The following CDC5L variants were observed in gnomAD, a reference collection of about 807,000 sequenced individuals.
CDC5L encodes the protein cell division cycle 5 like.
CDC5L carries 18 observed loss-of-function variants against 104.1 expected under a neutral mutation model. The ratio of observed to expected loss-of-function variants is 0.17; its 90% CI spans 0.12 to 0.26. The LOEUF (loss-of-function observed/expected upper bound fraction) is 0.26, where lower values mean the gene tolerates loss of function less well. CDC5L is among the 10% of genes least tolerant of loss of function. The pLI, the probability that CDC5L is intolerant of heterozygous loss-of-function variation, is 1.00. For synonymous variants in CDC5L, 331 were observed against 322.7 expected, an observed-to-expected ratio of 1.03 and a Z score of -0.28; for missense variants, 673 against 956.9, an observed-to-expected ratio of 0.70 and a Z score of 3.91.
chr6:44,417,161 A>G (rs1791945362), intron 8 of CDC5L, among the ~76,000 whole-genome samples: 1 of 152,158 alleles, frequency 6.6e-6, no homozygotes, highest in Non-Finnish European at 1.5e-5. Flanking sequence ...AGGAGGACTC[A>G]GCGGTTCTGT....
chr6:44,408,326 T>C (rs1791469215), intron 7 of CDC5L, 118 bp from the exon 8 acceptor site: 2 of 568,672 alleles, frequency 3.5e-6, no homozygotes, highest in Non-Finnish European at 6.0e-6. Context: ...GGTCCCGAAC[T>C]CCTGGGCTCA....
chr6:44,387,709 C>A lies in CDC5L; in HGVS notation c.-115C>A. On this transcript the variant is annotated 5_prime_UTR_variant, in exon 1 of 16. Coordinates refer to ENST00000371477, the MANE Select transcript of CDC5L (RefSeq NM_001253.4). ...CCCACCTTGCGCTTGCGCAGATCTT[C>A]AAAGCAGAAGGTCGCGCTTGGAGGA... The A allele has an allele frequency of 1.1e-6, 1 of 945,220 alleles. No individual in the cohort carries two copies. The highest frequency in any genetic ancestry group is 1.7e-6 in the Non-Finnish European group (1 of 602,526). 58.6% of individuals were successfully genotyped at this position (945,220 alleles called of 1,614,324 possible). A position where few individuals can be genotyped will look rare whatever the true frequency, so the allele number is the denominator to read the frequency against.
chr6:44,440,517 A>G (rs1330444355), intron 14 of CDC5L, among the ~76,000 whole-genome samples: 1 of 152,100 alleles, frequency 6.6e-6, no homozygotes, highest in Non-Finnish European at 1.5e-5. Context: ...TGCTGGGATT[A>G]CAGTTGTGAG....
rs1790396276 is a variant in CDC5L at position 44,387,808 on chromosome 6, A to G, written c.-16A>G. ...AAGCTCCTCTCGGCTGCTTGCCGAG[A>G]CACCCTGCCGCCAAGATGCCTCGAA... On this transcript the variant is annotated 5_prime_UTR_variant, in exon 1 of 16. Transcript: ENST00000371477. The G allele has an allele frequency of 7.7e-6, 12 of 1,558,612 alleles. No individual in the cohort carries two copies. The highest frequency in any genetic ancestry group is 2.4e-5 in the East Asian group (1 of 41,616).
At position 44,403,820 on chromosome 6, in the gene CDC5L, C is replaced by T. The variant is rs751558900; in HGVS notation, c.551C>T (p.Ala184Val). The change falls in exon 6 of 16, where the codon GCC becomes GTC. Residue 184 changes from alanine (A) to valine (V), a missense_variant. By Grantham distance (64) the Ala-to-Val change is moderately conservative (BLOSUM62 0). Around this residue, in one of 4 missense-constraint regions of CDC5L, gnomAD observed 578 missense variants for 737.0 expected, o/e 0.78. Transcript: ENST00000371477. ...TGCATTCTTTTCAGACGTCTTGCTGCCCTCCAAAAAAGAAGAGAACTTCGA... is the reference window on the plus strand; with the variant it reads ...TGCATTCTTTTCAGACGTCTTGCTGTCCTCCAAAAAAGAAGAGAACTTCGA... ...KQLEEARRLAALQKRRELRAA... is the reference protein window; with the variant it reads ...KQLEEARRLAVLQKRRELRAA... The T allele has an allele frequency of 6.2e-7, 1 of 1,605,734 alleles. No homozygotes were observed. Among genetic ancestry groups the T allele is most frequent in the Non-Finnish European group, 8.5e-7 (1 of 1,177,576 alleles).
At chr6:44,400,226 T>C (rs1561968860) in intron 5 of CDC5L, among the ~76,000 whole-genome samples, 1 of 152,256 alleles carries the variant, frequency 6.6e-6, no homozygotes, top group East Asian at 1.9e-4. Flanking sequence ...TTTCCGTTGC[T>C]TGCATTTTTT....
intron 14 of CDC5L, among the ~76,000 whole-genome samples, chr6:44,439,690 C>G (rs1793093293): frequency 1.3e-5 from 2 of 152,184 alleles, no homozygotes; most frequent in African/African-American, 2.4e-5. Flanking sequence ...AATGTTTGAA[C>G]TCTTAGTATC....
At chr6:44,432,791 G>A (rs1164689921) in intron 14 of CDC5L, among the ~76,000 whole-genome samples, 5 of 152,180 alleles carry the variant, frequency 3.3e-5, no homozygotes, top group Non-Finnish European at 5.9e-5. Flanking sequence ...ATTTTATTCT[G>A]CTTTGGAGGC....
At chr6:44,413,176 C>G (rs1791733351) in intron 8 of CDC5L, among the ~76,000 whole-genome samples, 1 of 152,176 alleles carries the variant, frequency 6.6e-6, no homozygotes, top group Non-Finnish European at 1.5e-5. Context: ...TTTAGGCACC[C>G]ATTAATCTAC....
chr6:44,394,925 C>G (rs961667364), intron 4 of CDC5L, among the ~76,000 whole-genome samples: 1 of 134,382 alleles, frequency 7.4e-6, no homozygotes, highest in Non-Finnish European at 1.6e-5. Flanking sequence ...CACACGAATA[C>G]TATTTGGTCA....
At chr6:44,387,971 T>A in intron 1 of CDC5L, 103 bp downstream of exon 1, 1 of 1,093,062 alleles carries the variant, frequency 9.1e-7, no homozygotes. Context: ...CTGTGGGGTC[T>A]GCGTGGAGGG....
chr6:44,446,445 G>A (rs182089162), intron 15 of CDC5L, among the ~76,000 whole-genome samples, 162 bp from the exon 16 acceptor site: 63 of 152,256 alleles, frequency 4.1e-4, no homozygotes, highest in Admixed American at 1.4e-3. Flanking sequence ...CTGTGATACT[G>A]GTTTTATAGC....
chr6:44,402,968 G>A (rs187676068), intron 5 of CDC5L, among the ~76,000 whole-genome samples: 3 of 152,260 alleles, frequency 2.0e-5, no homozygotes, highest in East Asian at 1.9e-4. Context: ...GAACAGCTTT[G>A]TAATTAAGTC....
At position 44,441,425 on chromosome 6, in the gene CDC5L, G is replaced by A. The variant is rs116160507; in HGVS notation, c.2092-4230G>A. Among the ~76,000 whole-genome samples, 529 of 152,318 alleles carry A rather than the reference G, an allele frequency of 3.5e-3. 4 individuals are homozygous for A. The highest frequency in any genetic ancestry group is 0.012 in the African/African-American group (490 of 41,562). ...ATAATGCTGTAAAGAACGTGGAAGT[G>A]CAGACATCTCTTTGACATACTGATT... On this transcript the variant is annotated intron_variant, in intron 14 of 15. Coordinates refer to ENST00000371477, the MANE Select transcript of CDC5L (RefSeq NM_001253.4).
At chr6:44,388,008 C>T (rs1790412979) in intron 1 of CDC5L, 140 bp downstream of exon 1, 3 of 715,906 alleles carry the variant, frequency 4.2e-6, no homozygotes, top group Non-Finnish European at 6.9e-6. Context: ...CCTTGGGGCC[C>T]TTTCCGTGTG....
intron 8 of CDC5L, among the ~76,000 whole-genome samples, chr6:44,409,623 G>A (rs560813650): frequency 6.6e-6 from 1 of 152,296 alleles, no homozygotes; most frequent in Admixed American, 6.5e-5. Context: ...TTTTGACTAA[G>A]CAGTAATTCA....
intron 8 of CDC5L, among the ~76,000 whole-genome samples, chr6:44,410,629 C>G (rs920337012): frequency 2.6e-5 from 4 of 152,192 alleles, no homozygotes; most frequent in Non-Finnish European, 5.9e-5. Flanking sequence ...CTGGCTTCCA[C>G]TGTTGCTCTT....
chr6:44,412,892 C>G (rs1319254226), intron 8 of CDC5L, among the ~76,000 whole-genome samples: 1 of 147,574 alleles, frequency 6.8e-6, no homozygotes, highest in Non-Finnish European at 1.5e-5. Context: ...ACGCCATTCT[C>G]CTGCCTCAGC....
intron 11 of CDC5L, 50 bp from the exon 12 acceptor site, chr6:44,426,053 A>T: frequency 8.1e-7 from 1 of 1,237,844 alleles, no homozygotes; most frequent in Non-Finnish European, 1.2e-6. Flanking sequence ...TTACTGAGAG[A>T]TATCAAATAC....
Sources: allele counts gnomAD v4.1 joint callset (sites outside exome capture counted in the v4.1 genomes callset), GRCh38; gene constraint gnomAD v4.1.1; regional missense constraint gnomAD v4.1.1; transcripts MANE v1.5; gene names NCBI Gene and HGNC (gene_info 2026-07-23, HGNC 2026-07-21).